Variants in ABHD3 observed in about 807,000 individuals in gnomAD.
ABHD3 encodes phospholipase ABHD3.
Under a neutral mutation model 48.8 loss-of-function variants are expected in ABHD3, and 46 were observed. That is an observed-to-expected ratio of 0.94 (90% CI 0.74 to 1.20). ABHD3 has a LOEUF of 1.20. Among genes scored for constraint, ABHD3 ranks in the 50% most tolerant of loss-of-function variants. ABHD3 has a pLI of 0.00. For missense variants in ABHD3, 490 were observed against 497.8 expected (o/e 0.98, Z 0.15); for synonymous variants, 192 against 183.7 (o/e 1.04, Z -0.36).
intron 2 of ABHD3, 147 bp downstream of exon 2, chr18:21,703,437 G>C: frequency 2.1e-6 from 2 of 967,778 alleles, no homozygotes; most frequent in Non-Finnish European, 2.9e-6. Context: ...GGGTGGAGCC[G>C]GGGACGTACC....
At chr18:21,655,112 A>C (rs2039312901) in intron 8 of ABHD3, 1 of 152,098 alleles carries the variant, frequency 6.6e-6, no homozygotes, top group African/African-American at 2.4e-5. Flanking sequence ...CACACAATAA[A>C]ATAGGATCTC....
At chr18:21,652,634 G>A (rs909179134) in intron 8 of ABHD3, among the ~76,000 whole-genome samples, 1 of 151,794 alleles carries the variant, frequency 6.6e-6, no homozygotes, top group Non-Finnish European at 1.5e-5. Context: ...AATTGGATGG[G>A]CGTGGTGGCA....
chr18:21,692,244 C>A (rs890514695), intron 3 of ABHD3, among the ~76,000 whole-genome samples: 55 of 152,304 alleles, frequency 3.6e-4, no homozygotes, highest in African/African-American at 9.4e-4. Context: ...GCCACCGCAC[C>A]CGGCCCTACA....
rs1293622207 is a variant in ABHD3 at position 21,703,644 on chromosome 18, C to G, written c.266G>C (p.Gly89Ala). 1 of 1,614,122 alleles carries G rather than the reference C, an allele frequency of 6.2e-7. No homozygotes were observed. The highest frequency in any genetic ancestry group is 1.7e-5 in the Admixed American group (1 of 60,018). ...AGGTCTAAGCAGGGTCTGTCCTCGA[C>G]CCTCCCAGCACCAGACCGTCGGGTA... ...TYYPTVWCWE[G>A]RGQTLLRPFI... The change falls in exon 2 of 9, where the codon GGT becomes GCT. Residue 89 changes from glycine to alanine, a missense_variant. Transcript: ENST00000289119.
chr18:21,704,746 C>CGGGCGAGAGCG lies in ABHD3; in HGVS notation c.-82_-81insCGCTCTCGCCC, dbSNP rs2040603098. 82 of 968,182 alleles carry CGGGCGAGAGCG rather than the reference C, an allele frequency of 8.5e-5. No individual in the cohort carries two copies. The African/African-American group carries it at 2.8e-3, about 33-fold the overall frequency. 60.0% of individuals were successfully genotyped at this position (968,182 alleles called of 1,614,324 possible). ...GGGCGAGAGCGGGCGAGAGCGGACG[C>CGGGCGAGAGCG]GGCGCCGCTGCCTACTCCCGACCAC... On this transcript the variant is annotated 5_prime_UTR_variant, in exon 1 of 9. Coordinates refer to ENST00000289119, the MANE Select transcript of ABHD3 (RefSeq NM_138340.5).
At chr18:21,664,819 ACAGGGGGGTCTTGCTATGTTGTC>A (rs2039584489) in intron 4 of ABHD3, among the ~76,000 whole-genome samples, 2 of 152,134 alleles carry the variant, frequency 1.3e-5, no homozygotes, top group African/African-American at 4.8e-5. Flanking sequence ...TTTTGTAGAG[ACAGGGGGGTCTTGCTATGTTGTC>A]CAGGTTGGTC....
At position 21,687,412 on chromosome 18, in the gene ABHD3, C is replaced by T. The variant is rs141380874; in HGVS notation, c.510-3447G>A. Among the ~76,000 whole-genome samples, 373 of 152,100 alleles carry T rather than the reference C, an allele frequency of 2.5e-3. 8 individuals carry two copies. The East Asian group carries it at 0.031, about 13-fold the overall frequency. The stretch of plus-strand genomic sequence containing the variant: ...TTTTTTAGTAGCGACAGGGTTTCAC[C>T]GTGTTAGCCAGGACGGTCTCGATTT... On this transcript the variant is annotated intron_variant, in intron 3 of 8. Transcript: ENST00000289119.
At chr18:21,656,522 T>A (rs190443087) in intron 8 of ABHD3, among the ~76,000 whole-genome samples, 17 of 152,326 alleles carry the variant, frequency 1.1e-4, no homozygotes, top group African/African-American at 4.1e-4. Context: ...TATAGGAATC[T>A]CAGGAAGAAG....
At chr18:21,656,717 A>C (rs2039358949) in intron 8 of ABHD3, 144 bp downstream of exon 8, 1 of 766,482 alleles carries the variant, frequency 1.3e-6, no homozygotes, top group African/African-American at 1.8e-5. Context: ...AAGTGATTTG[A>C]GACATTTAGA....
intron 4 of ABHD3, among the ~76,000 whole-genome samples, chr18:21,670,230 C>T (rs2039726343): frequency 6.6e-6 from 1 of 151,712 alleles, no homozygotes; most frequent in East Asian, 1.9e-4. Flanking sequence ...CCCCCAGTCA[C>T]AGAGATGCAG....
At chr18:21,656,814 T>C (rs1387107422) in intron 8 of ABHD3, 47 bp downstream of exon 8, 2 of 1,470,090 alleles carry the variant, frequency 1.4e-6, no homozygotes, top group African/African-American at 1.4e-5. Flanking sequence ...TAACAATATA[T>C]TAAAAGTTGA....
intron 8 of ABHD3, among the ~76,000 whole-genome samples, chr18:21,654,040 T>TG (rs1188386651): frequency 6.6e-6 from 1 of 151,334 alleles, no homozygotes; most frequent in African/African-American, 2.4e-5. Context: ...TTAGTAGAGA[T>TG]GGGGTTTCAC....
intron 4 of ABHD3, among the ~76,000 whole-genome samples, chr18:21,673,879 A>G (rs1163863966): frequency 2.6e-5 from 4 of 152,192 alleles, no homozygotes; most frequent in Non-Finnish European, 4.4e-5. Flanking sequence ...TGCTGGGATT[A>G]TAAGTGTGAG....
intron 4 of ABHD3, among the ~76,000 whole-genome samples, chr18:21,681,405 C>G (rs186799227): frequency 6.6e-6 from 1 of 152,256 alleles, no homozygotes; most frequent in East Asian, 1.9e-4. Context: ...CTATTTTCTT[C>G]CCCTTGAATA....
chr18:21,678,650 A>G (rs1385559086), intron 4 of ABHD3, among the ~76,000 whole-genome samples: 1 of 152,146 alleles, frequency 6.6e-6, no homozygotes, highest in African/African-American at 2.4e-5. Context: ...AAGTTTACAA[A>G]GTAATCAACA....
intron 4 of ABHD3, among the ~76,000 whole-genome samples, chr18:21,666,487 C>T (rs532084472): frequency 2.4e-4 from 36 of 151,722 alleles, no homozygotes; most frequent in African/African-American, 5.6e-4. Flanking sequence ...CCACCGTGCC[C>T]GGCCTATTTT....
At chr18:21,672,502 T>C (rs896344282) in intron 4 of ABHD3, among the ~76,000 whole-genome samples, 14 of 152,228 alleles carry the variant, frequency 9.2e-5, no homozygotes, top group African/African-American at 3.4e-4. Context: ...GAATATTTCA[T>C]TGAGTATTCC....
In ABHD3 at chr18:21,651,661, G is replaced by T; in HGVS notation, c.1160C>A (p.Ser387Tyr). 1 of 1,613,984 alleles carries T rather than the reference G, an allele frequency of 6.2e-7. No homozygotes were observed. Among genetic ancestry groups the T allele is most frequent in the Non-Finnish European group, 8.5e-7 (1 of 1,179,978 alleles). The stretch of plus-strand genomic sequence containing the variant: ...CTTGAAGACACGATCCATGTAAGTG[G>T]ACTGTCTTGGCCAGATTCCCTCCAG... Reference protein sequence around the residue: ...GFLEGIWPRQSTYMDRVFKQF... With the variant: ...GFLEGIWPRQYTYMDRVFKQF... The change falls in exon 9 of 9, where the codon TCC becomes TAC. Residue 387 changes from serine to tyrosine, a missense_variant. By Grantham distance (144) the Ser-to-Tyr change is moderately radical. Transcript: ENST00000289119.
rs34993965 is a variant in ABHD3, at chr18:21,700,952, C to CAAAA, written c.509+1360_509+1363dup. On this transcript the variant is annotated intron_variant, in intron 3 of 8. Transcript: ENST00000289119. Reference sequence around the variant, plus strand: ...TGGGCAACAGAGCCAGATTTGGCCTCAAAAAAAAAAAAAAAAAAAAAAAGG... The same window carrying CAAAA: ...TGGGCAACAGAGCCAGATTTGGCCTCAAAAAAAAAAAAAAAAAAAAAAAAAAAGG... 6.0e-4 allele frequency among the ~76,000 whole-genome samples: 49 copies of CAAAA among 81,626 alleles called. 1 individual carries two copies. Among genetic ancestry groups the CAAAA allele is most frequent in the African/African-American group, 1.6e-3 (37 of 22,526 alleles). 53.5% of individuals were successfully genotyped at this position (81,626 alleles called of 152,430 possible).
Sources: allele counts gnomAD v4.1 joint callset (sites outside exome capture counted in the v4.1 genomes callset), GRCh38; gene constraint gnomAD v4.1.1; transcripts MANE v1.5; gene names NCBI Gene and HGNC (gene_info 2026-07-23, HGNC 2026-07-21).